SPIDR: variants seen among roughly 807,000 people sequenced by gnomAD.
The protein encoded by SPIDR is scaffold protein involved in DNA repair, also known as DNA repair-scaffolding protein.
A neutral mutation model predicts 104.6 loss-of-function variants in SPIDR; 93 were observed. That is an observed-to-expected ratio of 0.89 (90% confidence interval 0.75 to 1.06). The LOEUF (loss-of-function observed/expected upper bound fraction) is 1.06. Ranked by LOEUF, SPIDR falls within the 50% of genes least tolerant of loss-of-function variation. SPIDR has a pLI of 0.00. For missense variants in SPIDR, 1,154 were observed against 1,111.2 expected (o/e 1.04, Z -0.55); for synonymous variants, 431 against 416.9 (o/e 1.03, Z -0.41).
chr8:47,698,367 A>C (rs781341488), intron 11 of SPIDR, among the ~76,000 whole-genome samples: 1 of 152,354 alleles, frequency 6.6e-6, no homozygotes. Context: ...CACCAAGTCT[A>C]TGCCCAGCAG....
chr8:47,508,326 T>C (rs958918835), intron 8 of SPIDR, among the ~76,000 whole-genome samples: 3 of 152,210 alleles, frequency 2.0e-5, no homozygotes, highest in Non-Finnish European at 4.4e-5. Flanking sequence ...CATACCACTT[T>C]TGTCATATCA....
intron 7 of SPIDR, among the ~76,000 whole-genome samples, chr8:47,434,569 A>T (rs555599688): frequency 9.8e-5 from 15 of 152,346 alleles, no homozygotes; most frequent in African/African-American, 3.4e-4. Context: ...CATTAGTGGC[A>T]ACAATTATGT....
chr8:47,564,604 C>T (rs1337209548), intron 8 of SPIDR, among the ~76,000 whole-genome samples: 2 of 150,184 alleles, frequency 1.3e-5, no homozygotes, highest in Non-Finnish European at 3.0e-5. Flanking sequence ...CTCTTGAACT[C>T]GGGAGGCAGA....
At chr8:47,487,772 AT>A (rs2077937380) in intron 8 of SPIDR, among the ~76,000 whole-genome samples, 2 of 152,232 alleles carry the variant, frequency 1.3e-5, no homozygotes, top group South Asian at 4.1e-4. Context: ...ACATAACGAA[AT>A]GAAGGCTGAA....
Position 47,483,012 on chromosome 8 carries a change from T to TGCCCCTCC in SPIDR, c.1097+42471_1097+42478dup, listed in dbSNP as rs1489100106. On this transcript the variant is annotated intron_variant, in intron 8 of 19. Coordinates refer to ENST00000297423, the MANE Select transcript of SPIDR (RefSeq NM_001080394.4). ...CCTCCCCAAGGAAAGGCCGCCCCTC[T>TGCCCCTCC]GCCCCTCCACAGTGGGTGGTGCCCA... Among the ~76,000 whole-genome samples, 6 of 152,236 alleles carry TGCCCCTCC rather than the reference T, an allele frequency of 3.9e-5. No homozygotes were observed. In the South Asian group the frequency reaches 6.2e-4, roughly 16 times the overall value.
chr8:47,486,117 C>T (rs1381090001), intron 8 of SPIDR, among the ~76,000 whole-genome samples: 1 of 152,110 alleles, frequency 6.6e-6, no homozygotes, highest in Non-Finnish European at 1.5e-5. Context: ...AAAGATTAGA[C>T]GAATGGCTAA....
At chr8:47,287,519 C>T (rs1388499465) in intron 3 of SPIDR, among the ~76,000 whole-genome samples, 8 of 152,234 alleles carry the variant, frequency 5.3e-5, no homozygotes, top group African/African-American at 1.9e-4. Context: ...ATAAGACAGA[C>T]ACTCCCAGAG....
At chr8:47,584,490 T>A (rs2060064819) in intron 8 of SPIDR, among the ~76,000 whole-genome samples, 1 of 152,224 alleles carries the variant, frequency 6.6e-6, no homozygotes, top group Admixed American at 6.5e-5. Context: ...TAATAAGGTT[T>A]AAAGCAACAA....
chr8:47,472,124 A>G (rs2075789643), intron 8 of SPIDR, among the ~76,000 whole-genome samples: 2 of 152,154 alleles, frequency 1.3e-5, no homozygotes, highest in African/African-American at 2.4e-5. Flanking sequence ...CCCATTTTCT[A>G]TACAGTCTCC....
intron 8 of SPIDR, among the ~76,000 whole-genome samples, chr8:47,525,015 C>A (rs1564226204): frequency 6.6e-6 from 1 of 152,188 alleles, no homozygotes; most frequent in Non-Finnish European, 1.5e-5. Context: ...GGATGACACA[C>A]CCTGTTTTGA....
chr8:47,322,692 T>C (rs1195778305), intron 5 of SPIDR, among the ~76,000 whole-genome samples: 1 of 152,140 alleles, frequency 6.6e-6, no homozygotes, highest in Non-Finnish European at 1.5e-5. Flanking sequence ...CCAAGCCAGA[T>C]GTCCAACAAT....
chr8:47,585,492 C>T (rs2060166242), intron 8 of SPIDR, among the ~76,000 whole-genome samples: 2 of 151,916 alleles, frequency 1.3e-5, no homozygotes, highest in Non-Finnish European at 2.9e-5. Flanking sequence ...ACAGACAGAT[C>T]AACTTCCTTC....
chr8:47,554,759 G>A (rs945809811), intron 8 of SPIDR, among the ~76,000 whole-genome samples: 6 of 152,122 alleles, frequency 3.9e-5, no homozygotes, highest in African/African-American at 7.2e-5. Flanking sequence ...CCCACTGTCC[G>A]ACAAGCCCCA....
chr8:47,408,412 A>G (rs2063048436), intron 7 of SPIDR, among the ~76,000 whole-genome samples: 1 of 152,130 alleles, frequency 6.6e-6, no homozygotes, highest in African/African-American at 2.4e-5. Context: ...GGCTTTTTCC[A>G]CCGTGCCCAG....
intron 8 of SPIDR, among the ~76,000 whole-genome samples, chr8:47,472,617 T>TTA (rs1554721695): frequency 6.6e-6 from 1 of 152,160 alleles, no homozygotes; most frequent in Non-Finnish European, 1.5e-5. Context: ...AGAATGTGAG[T>TTA]TATTGAGAGG....
intron 8 of SPIDR, among the ~76,000 whole-genome samples, chr8:47,497,877 C>G (rs2079693666): frequency 6.6e-6 from 1 of 152,144 alleles, no homozygotes; most frequent in Non-Finnish European, 1.5e-5. Context: ...AGCAAGGAAA[C>G]TACCTAAGGC....
rs543626518 is a variant in SPIDR, at chr8:47,468,041, A to G, written c.1097+27499A>G. 3.3e-5 allele frequency among the ~76,000 whole-genome samples: 5 copies of G among 152,268 alleles called. No individual in the cohort carries two copies. The South Asian group carries it at 1.0e-3, about 32-fold the overall frequency. The stretch of plus-strand genomic sequence containing the variant: ...GATGCAAAATCAGTGCGCAAAATTC[A>G]CTAGCATTTCTATACACCAGCCATC... On this transcript the variant is annotated intron_variant, in intron 8 of 19. Transcript: ENST00000297423.
intron 10 of SPIDR, among the ~76,000 whole-genome samples, chr8:47,647,645 A>AGAGAGAGAGG: frequency 2.1e-5 from 3 of 146,234 alleles, no homozygotes; most frequent in Non-Finnish European, 4.5e-5. Context: ...AGAGAGAGAG[A>AGAGAGAGAGG]GAGAGAGAGG....
At chr8:47,711,124 TTAC>T (rs2081824905) in intron 14 of SPIDR, among the ~76,000 whole-genome samples, 1 of 152,174 alleles carries the variant, frequency 6.6e-6, no homozygotes, top group Non-Finnish European at 1.5e-5. Flanking sequence ...GTTATATCTA[TTAC>T]TGTATTCATT....
Sources: allele counts gnomAD v4.1 joint callset (sites outside exome capture counted in the v4.1 genomes callset), GRCh38; gene constraint gnomAD v4.1.1; transcripts MANE v1.5; gene names NCBI Gene and HGNC (gene_info 2026-07-23, HGNC 2026-07-21).